CTNNA3: variants seen among roughly 807,000 people sequenced by gnomAD.
CTNNA3 encodes catenin alpha 3, also known as catenin alpha-3.
CTNNA3 carries 76 observed loss-of-function variants against 95.7 expected under a neutral mutation model. That is an observed-to-expected ratio of 0.79 (90% CI 0.66 to 0.96). CTNNA3 has a LOEUF of 0.96. Among genes scored for constraint, CTNNA3 ranks in the 40% least tolerant of loss-of-function variants. The probability of loss-of-function intolerance (pLI) is 0.00; values close to 1 mark genes in which losing one functional copy is unlikely to be tolerated. For synonymous variants in CTNNA3, 431 were observed against 374.4 expected, an observed-to-expected ratio of 1.15 and a Z score of -1.74; for missense variants, 1,191 against 1,089.8, an observed-to-expected ratio of 1.09 and a Z score of -1.31.
intron 10 of CTNNA3, among the ~76,000 whole-genome samples, chr10:66,532,799 T>G (rs923348820): frequency 3.3e-5 from 5 of 152,210 alleles, no homozygotes; most frequent in Non-Finnish European, 5.9e-5. Flanking sequence ...TAAGAAAATA[T>G]GAGTACAAGG....
chr10:66,599,200 G>T (rs1343426552), intron 10 of CTNNA3, among the ~76,000 whole-genome samples: 1 of 151,886 alleles, frequency 6.6e-6, no homozygotes, highest in African/African-American at 2.4e-5. Flanking sequence ...TGAATTCCAT[G>T]ATTTCTAGGC....
At chr10:66,129,697 G>A (rs1028393897) in intron 13 of CTNNA3, among the ~76,000 whole-genome samples, 3 of 152,022 alleles carry the variant, frequency 2.0e-5, no homozygotes, top group Non-Finnish European at 4.4e-5. Flanking sequence ...CTGCATCATA[G>A]CTCCTGCTCT....
At chr10:65,978,670 A>C (rs2078257688) in intron 16 of CTNNA3, among the ~76,000 whole-genome samples, 1 of 152,056 alleles carries the variant, frequency 6.6e-6, no homozygotes, top group Non-Finnish European at 1.5e-5. Flanking sequence ...TAACACATTT[A>C]TCTCTCAGCT....
chr10:67,550,999 T>C (rs898704864), intron 3 of CTNNA3, among the ~76,000 whole-genome samples: 7 of 152,042 alleles, frequency 4.6e-5, no homozygotes, highest in African/African-American at 1.4e-4. Flanking sequence ...AGGGTGTGGT[T>C]CCTGGCGAGG....
chr10:65,932,961 A>G (rs1392008204), intron 17 of CTNNA3, among the ~76,000 whole-genome samples: 1 of 152,050 alleles, frequency 6.6e-6, no homozygotes, highest in East Asian at 1.9e-4. Context: ...GTGATTAAAA[A>G]CTGCTTGAAT....
rs1229658729 is a variant in CTNNA3, at chr10:65,940,133, T to C, written c.2401-19516A>G. On this transcript the variant is annotated intron_variant, in intron 17 of 17. Coordinates refer to ENST00000433211, the MANE Select transcript of CTNNA3 (RefSeq NM_013266.4). ...TACCTTAACACATAAAGAGCATTTC[T>C]GAATCTGTAAGAAAGGAAGGCCCTA... Among the ~76,000 whole-genome samples, 4 of 152,310 alleles carry C rather than the reference T, an allele frequency of 2.6e-5. No homozygotes were observed. The East Asian group carries it at 5.8e-4, about 22-fold the overall frequency.
chr10:66,072,686 A>T (rs1055962925), intron 14 of CTNNA3, among the ~76,000 whole-genome samples: 10 of 151,274 alleles, frequency 6.6e-5, no homozygotes, highest in African/African-American at 2.4e-4. Context: ...CTCGTGATCC[A>T]CTCTCTTGGT....
intron 13 of CTNNA3, among the ~76,000 whole-genome samples, chr10:66,179,321 T>C (rs1029601471): frequency 2.0e-5 from 3 of 151,988 alleles, no homozygotes; most frequent in Non-Finnish European, 4.4e-5. Flanking sequence ...ATATACTGTA[T>C]GAAAAATTGT....
chr10:66,413,772 A>C (rs12268050), intron 11 of CTNNA3, among the ~76,000 whole-genome samples: 17,888 of 152,214 alleles, frequency 0.12, 1,523 homozygotes, highest in African/African-American at 0.24. Flanking sequence ...TGTCCCACAA[A>C]GGAAAGTGTG....
At chr10:66,769,477 A>G (rs1381484310) in intron 8 of CTNNA3, among the ~76,000 whole-genome samples, 1 of 152,238 alleles carries the variant, frequency 6.6e-6, no homozygotes, top group Non-Finnish European at 1.5e-5. Context: ...TATGAACTAC[A>G]TTATAGACTT....
rs75574517 is a variant in CTNNA3 at position 67,147,890 on chromosome 10, G to A, written c.1047+32427C>T. ...ATTATTTGCATTTCTTCAAAGCCTA[G>A]TATCTTATTAGGTAAGCATCAAAAA... On this transcript the variant is annotated intron_variant, in intron 7 of 17. Coordinates refer to ENST00000433211, the MANE Select transcript of CTNNA3 (RefSeq NM_013266.4). Among the ~76,000 whole-genome samples, 5 of 152,250 alleles carry A rather than the reference G, an allele frequency of 3.3e-5. No homozygotes were observed. In the East Asian group the frequency reaches 9.6e-4, roughly 29 times the overall value.
chr10:65,962,003 G>T (rs541815511), intron 17 of CTNNA3, among the ~76,000 whole-genome samples: 2 of 152,012 alleles, frequency 1.3e-5, no homozygotes, highest in Non-Finnish European at 2.9e-5. Context: ...GTTCTAGACC[G>T]CCCATTCGCA....
At chr10:66,311,573 G>A (rs1360341024) in intron 12 of CTNNA3, among the ~76,000 whole-genome samples, 1 of 152,190 alleles carries the variant, frequency 6.6e-6, no homozygotes, top group African/African-American at 2.4e-5. Context: ...TTAGTACAGT[G>A]ACAGGGCCTT....
intron 10 of CTNNA3, among the ~76,000 whole-genome samples, chr10:66,597,602 C>T (rs1431644425): frequency 7.3e-6 from 1 of 137,194 alleles, no homozygotes; most frequent in African/African-American, 2.7e-5. Context: ...AAATCAGTTA[C>T]AAGAAACTCT....
At chr10:67,240,847 CAT>C (rs1491559957) in intron 5 of CTNNA3, among the ~76,000 whole-genome samples, 11 of 152,142 alleles carry the variant, frequency 7.2e-5, no homozygotes, top group Admixed American at 1.3e-4. Context: ...TGTGTGTGCA[CAT>C]GTGTGTGTGT....
intron 5 of CTNNA3, among the ~76,000 whole-genome samples, chr10:67,243,240 C>T (rs553136305): frequency 3.5e-4 from 53 of 152,220 alleles, no homozygotes; most frequent in African/African-American, 1.1e-3. Flanking sequence ...CAAAAAGAAA[C>T]GTGAGGAATA....
intron 13 of CTNNA3, among the ~76,000 whole-genome samples, chr10:66,127,115 C>CA (rs2082864600): frequency 4.0e-5 from 6 of 151,620 alleles, no homozygotes; most frequent in African/African-American, 1.5e-4. Context: ...ACCAAAAATA[C>CA]AAAAAAATTA....
chr10:66,781,631 A>G (rs977310071), intron 7 of CTNNA3, among the ~76,000 whole-genome samples: 76 of 152,210 alleles, frequency 5.0e-4, no homozygotes, highest in African/African-American at 1.6e-3. Flanking sequence ...AATTAACCAT[A>G]TAAGAATAGA....
intron 13 of CTNNA3, among the ~76,000 whole-genome samples, chr10:66,277,812 C>T (rs978733959): frequency 1.3e-5 from 2 of 151,810 alleles, no homozygotes; most frequent in African/African-American, 4.8e-5. Flanking sequence ...ATAAAGTGTA[C>T]TTAAAGAAAT....
Sources: gnomAD v4.1 joint callset for allele counts (sites outside exome capture counted in the v4.1 genomes callset) on GRCh38, gnomAD v4.1.1 for gene constraint, MANE v1.5 for transcripts, NCBI Gene and HGNC (gene_info 2026-07-23, HGNC 2026-07-21) for gene names.